RGS7: variants seen among roughly 807,000 people sequenced by gnomAD.
RGS7 encodes regulator of G protein signaling 7.
A neutral mutation model predicts 81.1 loss-of-function variants in RGS7; 27 were observed. The ratio of observed to expected loss-of-function variants is 0.33; its 90% CI spans 0.25 to 0.46. The LOEUF (loss-of-function observed/expected upper bound fraction) is 0.46. Among genes scored for constraint, RGS7 ranks in the 20% least tolerant of loss-of-function variants. RGS7 has a pLI of 1.00. For missense variants in RGS7, 396 were observed against 607.4 expected, an observed-to-expected ratio of 0.65 and a Z score of 3.66; for synonymous variants, 208 against 207.7, an observed-to-expected ratio of 1.00 and a Z score of -0.01.
At chr1:241,061,978 A>G (rs1269449166) in intron 3 of RGS7, among the ~76,000 whole-genome samples, 1 of 152,196 alleles carries the variant, frequency 6.6e-6, no homozygotes, top group Non-Finnish European at 1.5e-5. Context: ...TTCCATTCCA[A>G]TAAGGCTAAT....
chr1:241,334,842 T>A (rs2082158038), intron 2 of RGS7, among the ~76,000 whole-genome samples: 1 of 152,144 alleles, frequency 6.6e-6, no homozygotes, highest in Admixed American at 6.5e-5. Flanking sequence ...CAAGAATCAT[T>A]AATTGTGTTA....
At chr1:240,818,732 T>C (rs981908207) in intron 10 of RGS7, among the ~76,000 whole-genome samples, 5 of 152,108 alleles carry the variant, frequency 3.3e-5, no homozygotes, top group African/African-American at 1.2e-4. Flanking sequence ...ATATGTGGAA[T>C]ATAAAAAAGC....
chr1:240,827,549 G>A (rs932846321), intron 9 of RGS7, among the ~76,000 whole-genome samples: 1 of 152,172 alleles, frequency 6.6e-6, no homozygotes, highest in Middle Eastern at 3.4e-3. Context: ...ACAGCCTCTC[G>A]CAGAGATCTC....
At chr1:240,812,161 T>C in intron 13 of RGS7, 118 bp from the exon 14 acceptor site, 1 of 990,116 alleles carries the variant, frequency 1.0e-6, no homozygotes, top group East Asian at 2.5e-5. Context: ...ACCTTTTCTT[T>C]AAAAATATAT....
intron 4 of RGS7, among the ~76,000 whole-genome samples, chr1:240,974,686 G>A (rs752247766): frequency 1.3e-5 from 2 of 152,222 alleles, no homozygotes; most frequent in Non-Finnish European, 2.9e-5. Context: ...AATGGGGGCT[G>A]AATTATGGAA....
At chr1:240,855,262 A>G (rs1660859943) in intron 9 of RGS7, among the ~76,000 whole-genome samples, 1 of 142,794 alleles carries the variant, frequency 7.0e-6, no homozygotes, top group African/African-American at 2.6e-5. Flanking sequence ...CATAGATTAC[A>G]CATGCTGTTG....
intron 3 of RGS7, among the ~76,000 whole-genome samples, chr1:241,035,272 C>T (rs1192883077): frequency 6.6e-6 from 1 of 151,980 alleles, no homozygotes; most frequent in Non-Finnish European, 1.5e-5. Flanking sequence ...AAGTTCATTT[C>T]TATAATTTCT....
chr1:241,163,200 G>T lies in RGS7; in HGVS notation c.79-64438C>A, dbSNP rs745552291. Reference sequence around the variant, plus strand: ...GGAAACGGGGCCTGAAGCAAGACTTGGCAGTGACCTCCTAACTTTATCAGT... The same window carrying T: ...GGAAACGGGGCCTGAAGCAAGACTTTGCAGTGACCTCCTAACTTTATCAGT... On this transcript the variant is annotated intron_variant, in intron 2 of 18. Coordinates refer to ENST00000440928, the MANE Select transcript of RGS7 (RefSeq NM_001364886.1). The surrounding 1 kb of genome is among the most constrained non-coding windows in gnomAD (Gnocchi z 4.6). Among the ~76,000 whole-genome samples, 2 of 152,136 alleles carry T rather than the reference G, an allele frequency of 1.3e-5. No homozygotes were observed. Among genetic ancestry groups the T allele is most frequent in the African/African-American group, 2.4e-5 (1 of 41,430 alleles).
At chr1:240,943,928 CATA>C (rs946338474) in intron 4 of RGS7, among the ~76,000 whole-genome samples, 2 of 151,172 alleles carry the variant, frequency 1.3e-5, no homozygotes, top group African/African-American at 2.4e-5. Context: ...CTTAGGGAAG[CATA>C]ATATTTGCCT....
At chr1:240,900,459 C>T (rs1669804073) in intron 6 of RGS7, among the ~76,000 whole-genome samples, 1 of 152,194 alleles carries the variant, frequency 6.6e-6, no homozygotes, top group African/African-American at 2.4e-5. Flanking sequence ...TGGTGACGTA[C>T]AGATGGGGTT....
At chr1:241,350,230 T>C (rs1048492109) in intron 2 of RGS7, among the ~76,000 whole-genome samples, 8 of 152,200 alleles carry the variant, frequency 5.3e-5, no homozygotes, top group African/African-American at 1.7e-4. Context: ...AGAAATATCA[T>C]CATGGAAATA....
At chr1:241,064,403 T>C (rs1221318252) in intron 3 of RGS7, among the ~76,000 whole-genome samples, 6 of 119,360 alleles carry the variant, frequency 5.0e-5, no homozygotes, top group Non-Finnish European at 6.7e-5. Context: ...CTGGGCAAGA[T>C]AGAGAGACCC....
At chr1:241,116,251 T>TA (rs1289957846) in intron 2 of RGS7, among the ~76,000 whole-genome samples, 1 of 152,170 alleles carries the variant, frequency 6.6e-6, no homozygotes, top group Non-Finnish European at 1.5e-5. Context: ...TGGAAAATCT[T>TA]AAACAGATAC....
chr1:240,862,943 G>C (rs989367876), intron 9 of RGS7, among the ~76,000 whole-genome samples: 3 of 151,466 alleles, frequency 2.0e-5, no homozygotes, highest in African/African-American at 7.3e-5. Flanking sequence ...GTGTGTGTGT[G>C]TGTGTGTGTG....
chr1:240,974,379 A>T (rs576930195), intron 4 of RGS7, among the ~76,000 whole-genome samples: 4 of 152,134 alleles, frequency 2.6e-5, no homozygotes, highest in African/African-American at 9.7e-5. Flanking sequence ...CTTTCTGTTC[A>T]CGTTCTCACA....
intron 2 of RGS7, among the ~76,000 whole-genome samples, chr1:241,191,645 C>T (rs1483393024): frequency 2.0e-5 from 3 of 152,106 alleles, no homozygotes; most frequent in Admixed American, 1.3e-4. Flanking sequence ...ATCTTCTACT[C>T]TTTTGTCTGG....
intron 3 of RGS7, among the ~76,000 whole-genome samples, chr1:241,015,965 C>T (rs1416115032): frequency 1.3e-5 from 2 of 152,164 alleles, no homozygotes; most frequent in African/African-American, 4.8e-5. Context: ...TAAACAAATT[C>T]ACTTTAGTGT....
At chr1:241,175,854 G>A (rs891462725) in intron 2 of RGS7, among the ~76,000 whole-genome samples, 1 of 152,214 alleles carries the variant, frequency 6.6e-6, no homozygotes, top group African/African-American at 2.4e-5. Context: ...CGGAATGTAT[G>A]GGACAAGTGC....
At chr1:240,823,207 T>G in intron 10 of RGS7, 1 of 838,338 alleles carries the variant, frequency 1.2e-6, no homozygotes, top group African/African-American at 1.7e-5. Flanking sequence ...GTCCATGGAC[T>G]TCTTCGTATT....
Sources: gnomAD v4.1 joint callset for allele counts (sites outside exome capture counted in the v4.1 genomes callset) on GRCh38, gnomAD v4.1.1 for gene constraint, Gnocchi (gnomAD v3.1) non-coding constraint, MANE v1.5 for transcripts, NCBI Gene and HGNC (gene_info 2026-07-23, HGNC 2026-07-21) for gene names.